Variants in ACSL1 observed in about 807,000 individuals in gnomAD.
ACSL1 encodes long-chain-fatty-acid--CoA ligase 1.
In ACSL1, 41 loss-of-function variants were observed where a neutral mutation model predicts 98.4. The observed-to-expected ratio is 0.42, with a 90% confidence interval of 0.32 to 0.54. The LOEUF is 0.54. Among genes scored for constraint, ACSL1 ranks in the 20% least tolerant of loss-of-function variants. ACSL1 has a pLI of 0.13. For missense variants in ACSL1, 734 were observed against 883.1 expected (o/e 0.83, Z 2.14); for synonymous variants, 316 against 322.7 (o/e 0.98, Z 0.22).
chr4:184,814,073 G>A (rs1234992632), intron 1 of ACSL1, among the ~76,000 whole-genome samples: 8 of 152,056 alleles, frequency 5.3e-5, no homozygotes, highest in Non-Finnish European at 1.5e-5. Flanking sequence ...GGTGGATCAC[G>A]AGGTCAGGAG....
chr4:184,818,167 G>A (rs866809781), intron 1 of ACSL1, among the ~76,000 whole-genome samples: 2 of 152,180 alleles, frequency 1.3e-5, no homozygotes, highest in African/African-American at 4.8e-5. Flanking sequence ...TGCCTGAGGC[G>A]CAATGTAGGT....
upstream of ACSL1, chr4:184,826,545 A>C (rs1171148272): frequency 2.0e-5 from 3 of 152,488 alleles, no homozygotes; most frequent in Non-Finnish European, 4.4e-5. Context: ...TGGTGTCTGC[A>C]GAGCCTGACG....
chr4:184,786,349 A>G (rs183015362), intron 3 of ACSL1, among the ~76,000 whole-genome samples: 107 of 152,110 alleles, frequency 7.0e-4, no homozygotes, highest in African/African-American at 2.0e-3. Flanking sequence ...TTCAAGTTAC[A>G]GTTTCCAAGA....
At chr4:184,815,011 C>T (rs115116611) in intron 1 of ACSL1, 4 of 455,992 alleles carry the variant, frequency 8.8e-6, no homozygotes, top group African/African-American at 6.0e-5. Context: ...GTTTTCTTTG[C>T]CTTCAGCAAG....
At chr4:184,786,491 C>T (rs1767368879) in intron 3 of ACSL1, among the ~76,000 whole-genome samples, 1 of 151,738 alleles carries the variant, frequency 6.6e-6, no homozygotes, top group East Asian at 1.9e-4. Context: ...GGCTGATCCA[C>T]CTGATGGATA....
chr4:184,777,277 T>A (rs755511138), intron 5 of ACSL1, among the ~76,000 whole-genome samples: 27 of 152,148 alleles, frequency 1.8e-4, no homozygotes, highest in Non-Finnish European at 3.1e-4. Flanking sequence ...AAGACCAGCC[T>A]GGGAAACATG....
intron 4 of ACSL1, among the ~76,000 whole-genome samples, chr4:184,782,310 G>A (rs1162487329): frequency 6.8e-6 from 1 of 147,028 alleles, no homozygotes. Context: ...CCACCAAAAG[G>A]TCATATTCAT....
intron 1 of ACSL1, among the ~76,000 whole-genome samples, chr4:184,806,484 C>T (rs1771437167): frequency 6.6e-6 from 1 of 152,194 alleles, no homozygotes; most frequent in African/African-American, 2.4e-5. Context: ...CCTAGAGTAA[C>T]TCCCATAAAA....
intron 2 of ACSL1, among the ~76,000 whole-genome samples, chr4:184,797,573 G>A (rs11132255): frequency 0.29 from 44,780 of 152,116 alleles, 9,372 homozygotes; most frequent in African/African-American, 0.6. Context: ...TGACTTTTGA[G>A]TTGTAAACCA....
Position 184,760,360 on chromosome 4 carries a change from C to A in ACSL1, c.1779G>T (p.Leu593=), listed in dbSNP as rs141504824. The A allele has an allele frequency of 1.6e-3, 2,605 of 1,614,090 alleles. 1 individual carries two copies. Among genetic ancestry groups the A allele is most frequent in the Non-Finnish European group, 1.9e-3 (2,257 of 1,179,970 alleles). The change falls in exon 18 of 21, where the codon CTG becomes CTT. Residue 593 remains leucine (L), a synonymous_variant. Transcript: ENST00000281455. The part of the protein sequence containing the change: ...VAQVFVHGES[L]QAFLIAIVVP... ...TCAAGACCCAGAAAGCACATACCTG[C>A]AGGCTTTCTCCGTGGACAAACACCT...
At chr4:184,823,470 G>C (rs1773224382) in intron 1 of ACSL1, among the ~76,000 whole-genome samples, 1 of 152,166 alleles carries the variant, frequency 6.6e-6, no homozygotes, top group African/African-American at 2.4e-5. Flanking sequence ...ATTCCTCTAA[G>C]GTTACTGACT....
At chr4:184,796,716 A>C (rs1769440062) in intron 2 of ACSL1, among the ~76,000 whole-genome samples, 1 of 152,240 alleles carries the variant, frequency 6.6e-6, no homozygotes, top group Admixed American at 6.5e-5. Flanking sequence ...ATTCTTCTGA[A>C]GTCTCACACA....
chr4:184,757,964 G>T lies in ACSL1; in HGVS notation c.1783-44C>A. The T allele has an allele frequency of 6.4e-7, 1 of 1,564,662 alleles. No homozygotes were observed. The highest frequency in any genetic ancestry group is 8.8e-7 in the Non-Finnish European group (1 of 1,137,222). On this transcript the variant is annotated intron_variant, in intron 18 of 20. Transcript: ENST00000281455. This position sits in a 1 kb window ranked among gnomAD's most constrained non-coding sequence, Gnocchi z 4.5. ...AGTTATTACATAGCTTGATCCAAAT[G>T]CTCTAAAATAGTGGTTCTTTATTTT...
chr4:184,795,571 C>G (rs918488337), intron 2 of ACSL1, among the ~76,000 whole-genome samples: 1 of 152,190 alleles, frequency 6.6e-6, no homozygotes, highest in Non-Finnish European at 1.5e-5. Flanking sequence ...ACTTAATACT[C>G]CTGTGGCCTG....
chr4:184,787,016 T>C (rs1204451646), intron 3 of ACSL1, among the ~76,000 whole-genome samples: 1 of 152,128 alleles, frequency 6.6e-6, no homozygotes, highest in Non-Finnish European at 1.5e-5. Flanking sequence ...GAGTGCATAT[T>C]ACATGCAACC....
In ACSL1 at chr4:184,766,488, G is replaced by T. The variant is rs1763628627; in HGVS notation, c.1263+134C>A. 1 of 1,260,908 alleles carries T rather than the reference G, an allele frequency of 7.9e-7. No homozygotes were observed. The highest frequency in any genetic ancestry group is 1.1e-6 in the Non-Finnish European group (1 of 914,176). 78.1% of individuals were successfully genotyped at this position (1,260,908 alleles called of 1,614,324 possible). ...AATGGCTTTGCCTTAGTTTTTAAAT[G>T]TGTGCCAGAATTAACAAAAACATGT... On this transcript the variant is annotated intron_variant, in intron 13 of 20. Transcript: ENST00000281455. This position sits in a 1 kb window ranked among gnomAD's most constrained non-coding sequence, Gnocchi z 4.8.
intron 2 of ACSL1, among the ~76,000 whole-genome samples, chr4:184,796,416 C>A (rs1428542105): frequency 1.3e-5 from 2 of 152,194 alleles, no homozygotes; most frequent in Admixed American, 1.3e-4. Flanking sequence ...CTGCCAGGAT[C>A]GCTTGCCGCA....
intron 1 of ACSL1, among the ~76,000 whole-genome samples, chr4:184,813,200 A>C (rs181985675): frequency 6.6e-6 from 1 of 152,320 alleles, no homozygotes; most frequent in East Asian, 1.9e-4. Context: ...GCAGGGCTAA[A>C]TTTTGGCGGT....
intron 4 of ACSL1, among the ~76,000 whole-genome samples, chr4:184,781,234 A>C (rs1334433747): frequency 4.5e-4 from 22 of 48,908 alleles, no homozygotes; most frequent in African/African-American, 1.8e-3. Flanking sequence ...CATCTCAAAA[A>C]AAAAAAAAAA....
Sources: allele counts gnomAD v4.1 joint callset (sites outside exome capture counted in the v4.1 genomes callset), GRCh38; gene constraint gnomAD v4.1.1; non-coding constraint Gnocchi (gnomAD v3.1); transcripts MANE v1.5; gene names NCBI Gene and HGNC (gene_info 2026-07-23, HGNC 2026-07-21).